The following CDK6 variants were observed in gnomAD, a reference collection of about 807,000 sequenced individuals.
CDK6 encodes cyclin-dependent kinase 6.
A neutral mutation model predicts 37.1 loss-of-function variants in CDK6; 6 were observed. The observed-to-expected ratio is 0.16, with a 90% CI of 0.09 to 0.32. The LOEUF (loss-of-function observed/expected upper bound fraction) is 0.32, where lower values mean the gene tolerates loss of function less well. Among genes scored for constraint, CDK6 ranks in the 10% least tolerant of loss-of-function variants. The probability of loss-of-function intolerance (pLI) is 1.00; values close to 1 mark genes in which losing one functional copy is unlikely to be tolerated. For synonymous variants in CDK6, 160 were observed against 161.3 expected (o/e 0.99, Z 0.06); for missense variants, 224 against 418.9 (o/e 0.53, Z 4.06).
At chr7:92,774,614 A>AT (rs2115782850) in intron 3 of CDK6, 82 bp downstream of exon 3, 2 of 1,271,060 alleles carry the variant, frequency 1.6e-6, no homozygotes, top group Non-Finnish European at 2.1e-6. Flanking sequence ...AATTGTGGCA[A>AT]TTTTCATAAG....
chr7:92,765,970 A>G (rs115216020), intron 3 of CDK6, among the ~76,000 whole-genome samples: 2,567 of 152,258 alleles, frequency 0.017, 84 homozygotes, highest in African/African-American at 0.059. Context: ...ATGCCGAGCT[A>G]GAAGCAAGCT....
At chr7:92,796,479 T>A (rs1006501308) in intron 2 of CDK6, among the ~76,000 whole-genome samples, 2 of 152,130 alleles carry the variant, frequency 1.3e-5, no homozygotes, top group African/African-American at 4.8e-5. Context: ...CGTGCATAAA[T>A]ATTGTTTATT....
chr7:92,637,086 A>G (rs996094507), intron 5 of CDK6, among the ~76,000 whole-genome samples: 2 of 152,220 alleles, frequency 1.3e-5, no homozygotes, highest in Admixed American at 1.3e-4. Context: ...CGGTTTTAGA[A>G]AGAGATGAAT....
intron 2 of CDK6, among the ~76,000 whole-genome samples, chr7:92,813,961 A>C (rs1175714967): frequency 6.6e-6 from 1 of 152,238 alleles, no homozygotes; most frequent in Non-Finnish European, 1.5e-5. Flanking sequence ...AAACTTGAGT[A>C]TCCCGCAAGC....
At chr7:92,615,425 A>G (rs575526232) in intron 7 of CDK6, 139 bp from the exon 8 acceptor site, 1 of 684,744 alleles carries the variant, frequency 1.5e-6, no homozygotes, top group South Asian at 1.9e-5. Flanking sequence ...AGGGACACTA[A>G]ATAATATGGA....
chr7:92,758,039 G>T (rs559952525), intron 3 of CDK6, among the ~76,000 whole-genome samples: 1 of 152,130 alleles, frequency 6.6e-6, no homozygotes, highest in South Asian at 2.1e-4. Context: ...ACAGATGCTG[G>T]ATATTATACC....
At chr7:92,673,944 A>T (rs977531682) in intron 4 of CDK6, among the ~76,000 whole-genome samples, 1 of 151,180 alleles carries the variant, frequency 6.6e-6, no homozygotes, top group African/African-American at 2.4e-5. Context: ...CACCCGGCTA[A>T]TTTTTTTTGT....
intron 5 of CDK6, among the ~76,000 whole-genome samples, chr7:92,631,960 C>G (rs1231864395): frequency 6.6e-6 from 1 of 152,142 alleles, no homozygotes; most frequent in African/African-American, 2.4e-5. Context: ...GTAAGTCTGT[C>G]TAATAGAGAC....
At chr7:92,803,271 G>C (rs1031829554) in intron 2 of CDK6, among the ~76,000 whole-genome samples, 4 of 152,134 alleles carry the variant, frequency 2.6e-5, no homozygotes, top group African/African-American at 9.7e-5. Context: ...CTATAGATGA[G>C]GAAAGAAGAC....
chr7:92,818,604 A>G (rs906873875), intron 2 of CDK6, among the ~76,000 whole-genome samples: 4 of 152,052 alleles, frequency 2.6e-5, no homozygotes, highest in Admixed American at 6.6e-5. Context: ...AATTGGACTT[A>G]GGTTAAATTA....
chr7:92,760,217 C>G (rs996240078), intron 3 of CDK6, among the ~76,000 whole-genome samples: 1 of 152,112 alleles, frequency 6.6e-6, no homozygotes, highest in African/African-American at 2.4e-5. Context: ...CCCAATTATA[C>G]TATTTAATGG....
At chr7:92,778,779 C>T (rs1367438205) in intron 2 of CDK6, among the ~76,000 whole-genome samples, 1 of 151,852 alleles carries the variant, frequency 6.6e-6, no homozygotes, top group Non-Finnish European at 1.5e-5. Flanking sequence ...ATACTATGAC[C>T]ATTTCAGTTG....
rs1450046398 is a variant in CDK6, at chr7:92,606,886, C to G, written c.*8254G>C. ...TTTTCTTTTCTTAACACATACTGCTCTTCTATACCAAACACTTGCCCTTTA... is the reference window on the plus strand; with the variant it reads ...TTTTCTTTTCTTAACACATACTGCTGTTCTATACCAAACACTTGCCCTTTA... On this transcript the variant is annotated 3_prime_UTR_variant, in exon 8 of 8. Transcript: ENST00000424848. 1 of 232,860 alleles carries G rather than the reference C, an allele frequency of 4.3e-6. No homozygotes were observed. Among genetic ancestry groups the G allele is most frequent in the Non-Finnish European group, 8.5e-6 (1 of 117,914 alleles). 14.4% of individuals were successfully genotyped at this position (232,860 alleles called of 1,614,324 possible). A position where few individuals can be genotyped will look rare whatever the true frequency, so the allele number is the denominator to read the frequency against.
intron 5 of CDK6, among the ~76,000 whole-genome samples, chr7:92,643,364 T>G (rs1735848084): frequency 6.6e-6 from 1 of 152,240 alleles, no homozygotes; most frequent in Non-Finnish European, 1.5e-5. Context: ...CTTCAGCAGC[T>G]CATTCACTCA....
intron 7 of CDK6, 91 bp downstream of exon 7, chr7:92,617,981 C>T (rs2116483197): frequency 7.6e-7 from 1 of 1,320,124 alleles, no homozygotes; most frequent in Non-Finnish European, 1.1e-6. Context: ...ATAGCAGCTA[C>T]TGAACTGATA....
chr7:92,800,346 T>C (rs1358844677), intron 2 of CDK6, among the ~76,000 whole-genome samples: 1 of 152,214 alleles, frequency 6.6e-6, no homozygotes, highest in Non-Finnish European at 1.5e-5. Context: ...ATACGTGATG[T>C]CATTCATCTC....
At chr7:92,681,139 G>C (rs1040944901) in intron 4 of CDK6, among the ~76,000 whole-genome samples, 1 of 152,178 alleles carries the variant, frequency 6.6e-6, no homozygotes, top group Non-Finnish European at 1.5e-5. Context: ...TAATATCTTT[G>C]AGTAATCATG....
At chr7:92,674,423 A>G (rs181791961) in intron 4 of CDK6, among the ~76,000 whole-genome samples, 28 of 152,350 alleles carry the variant, frequency 1.8e-4, no homozygotes, top group Admixed American at 4.6e-4. Flanking sequence ...TACTGTAAAC[A>G]CAACAATAAG....
chr7:92,693,962 T>C (rs1417121520), intron 4 of CDK6, among the ~76,000 whole-genome samples: 1 of 152,216 alleles, frequency 6.6e-6, no homozygotes, highest in Non-Finnish European at 1.5e-5. Context: ...ATGCTCAGTG[T>C]ACAAAACGTC....
Sources: gnomAD v4.1 joint callset for allele counts (sites outside exome capture counted in the v4.1 genomes callset) on GRCh38, gnomAD v4.1.1 for gene constraint, MANE v1.5 for transcripts, NCBI Gene and HGNC (gene_info 2026-07-23, HGNC 2026-07-21) for gene names.